SIPA1L1: variants seen among roughly 807,000 people sequenced by gnomAD.
The protein encoded by SIPA1L1 is signal-induced proliferation-associated 1-like protein 1.
SIPA1L1 carries 26 observed loss-of-function variants against 162.7 expected under a neutral mutation model. That is an observed-to-expected ratio of 0.16 (90% CI 0.12 to 0.22). The LOEUF is 0.22. SIPA1L1 is among the 10% of genes least tolerant of loss of function. The pLI, the probability that SIPA1L1 is intolerant of heterozygous loss-of-function variation, is 1.00. For missense variants in SIPA1L1, 1,874 were observed against 2,241.0 expected (o/e 0.84, Z 3.31); for synonymous variants, 829 against 837.4 (o/e 0.99, Z 0.17).
chr14:71,344,555 G>C (rs2035966105), intron 2 of SIPA1L1, among the ~76,000 whole-genome samples: 1 of 152,072 alleles, frequency 6.6e-6, no homozygotes, highest in African/African-American at 2.4e-5. Context: ...CTATCTGTCT[G>C]TCTGTCTGTC....
In SIPA1L1 at chr14:71,613,728, G is replaced by T. The variant is rs141634602; in HGVS notation, c.1499-5029G>T. 1.1e-3 allele frequency among the ~76,000 whole-genome samples: 162 copies of T among 152,254 alleles called. 1 individual carries two copies. Among genetic ancestry groups the T allele is most frequent in the African/African-American group, 3.7e-3 (154 of 41,552 alleles). ...CAGAAGAAAGAGAAAGACAGTTGTG[G>T]ATTTGACTAGAAGAACACTTTGTAA... is the stretch of plus-strand genomic sequence containing the variant. On this transcript the variant is annotated intron_variant, in intron 5 of 23. Coordinates refer to ENST00000381232, the MANE Select transcript of SIPA1L1 (RefSeq NM_001386936.1).
chr14:71,474,209 G>A (rs2047679067), intron 2 of SIPA1L1, among the ~76,000 whole-genome samples: 1 of 152,294 alleles, frequency 6.6e-6, no homozygotes, highest in South Asian at 2.1e-4. Flanking sequence ...GTAAATAGTT[G>A]GCAGAGCTGA....
Position 71,483,152 on chromosome 14 carries a change from A to G in SIPA1L1, c.-464-29591A>G, listed in dbSNP as rs189682830. On this transcript the variant is annotated intron_variant, in intron 2 of 23. Transcript: ENST00000381232. ...TAAAAGTGGTCAGAATTTGAGGGCT[A>G]TTAGAATTTTATTCTTTACCTAAAT... 2.9e-4 allele frequency among the ~76,000 whole-genome samples: 44 copies of G among 152,358 alleles called. No individual in the cohort carries two copies. In the East Asian group the frequency reaches 4.8e-3, roughly 17 times the overall value.
intron 15 of SIPA1L1, 101 bp downstream of exon 15, chr14:71,702,606 G>C (rs1453711970): frequency 9.8e-7 from 1 of 1,019,298 alleles, no homozygotes; most frequent in African/African-American, 1.6e-5. Context: ...GGTAGCCCTA[G>C]TTAATAAATA....
intron 2 of SIPA1L1, among the ~76,000 whole-genome samples, chr14:71,345,061 G>GGGAAGGCTAAGGGTA (rs1229429098): frequency 1.3e-5 from 2 of 152,104 alleles, no homozygotes; most frequent in Admixed American, 6.5e-5. Context: ...TGGGTGTCTG[G>GGGAAGGCTAAGGGTA]GGAAGGCTAA....
chr14:71,480,616 G>A (rs893454932), intron 2 of SIPA1L1, among the ~76,000 whole-genome samples: 3 of 151,852 alleles, frequency 2.0e-5, no homozygotes. Context: ...ACAAAAATTA[G>A]CTGGGCTTGG....
chr14:71,666,561 C>T (rs1382873470), intron 10 of SIPA1L1, among the ~76,000 whole-genome samples: 2 of 152,086 alleles, frequency 1.3e-5, no homozygotes, highest in African/African-American at 4.8e-5. Context: ...GTAGTCATAA[C>T]AAGGACCCTG....
intron 13 of SIPA1L1, among the ~76,000 whole-genome samples, chr14:71,698,353 G>T (rs1313056165): frequency 6.6e-6 from 1 of 152,134 alleles, no homozygotes; most frequent in Non-Finnish European, 1.5e-5. Context: ...TACATGAGGT[G>T]CCCATGTGGA....
At chr14:71,327,500 G>C (rs2033975008) in intron 2 of SIPA1L1, among the ~76,000 whole-genome samples, 1 of 152,208 alleles carries the variant, frequency 6.6e-6, no homozygotes, top group Non-Finnish European at 1.5e-5. Flanking sequence ...TTCAGGAAGA[G>C]AGAGTCTGCT....
intron 4 of SIPA1L1, among the ~76,000 whole-genome samples, chr14:71,549,000 A>G (rs2055526638): frequency 6.6e-6 from 1 of 152,024 alleles, no homozygotes. Context: ...GGTTACTATT[A>G]ATTGTTTATA....
intron 17 of SIPA1L1, among the ~76,000 whole-genome samples, chr14:71,710,636 C>A (rs896451847): frequency 6.6e-6 from 1 of 151,766 alleles, no homozygotes; most frequent in African/African-American, 2.4e-5. Context: ...GGTGAAACCC[C>A]GTCTCTACTA....
At position 71,370,734 on chromosome 14, in the gene SIPA1L1, G is replaced by A. The variant is rs187010485; in HGVS notation, c.-465+49553G>A. On this transcript the variant is annotated intron_variant, in intron 2 of 23. Coordinates refer to ENST00000381232, the MANE Select transcript of SIPA1L1 (RefSeq NM_001386936.1). ...AGGCCAACTTGCGTGCCCAAGGTCA[G>A]TTATGAATCTAGGATTCAAAGGTCT... Among the ~76,000 whole-genome samples the A allele has an allele frequency of 1.9e-4, 29 of 152,308 alleles. 1 individual carries two copies. Among genetic ancestry groups the A allele is most frequent in the African/African-American group, 6.3e-4 (26 of 41,556 alleles).
intron 2 of SIPA1L1, among the ~76,000 whole-genome samples, chr14:71,464,867 T>C (rs2046874943): frequency 6.6e-6 from 1 of 152,106 alleles, no homozygotes; most frequent in Non-Finnish European, 1.5e-5. Flanking sequence ...ACTCTCAACC[T>C]CACTTCTAGG....
intron 4 of SIPA1L1, among the ~76,000 whole-genome samples, chr14:71,533,372 A>C (rs1352746524): frequency 1.3e-5 from 2 of 152,172 alleles, no homozygotes; most frequent in African/African-American, 4.8e-5. Context: ...ATTTATTAGG[A>C]GTCTTTACCA....
At chr14:71,673,086 C>T (rs2149388463) in intron 12 of SIPA1L1, among the ~76,000 whole-genome samples, 1 of 152,318 alleles carries the variant, frequency 6.6e-6, no homozygotes, top group African/African-American at 2.4e-5. Flanking sequence ...AGTCTGGCAG[C>T]TGCTTTCCTA....
At chr14:71,544,354 TATC>T (rs1023376813) in intron 4 of SIPA1L1, among the ~76,000 whole-genome samples, 51 of 152,102 alleles carry the variant, frequency 3.4e-4, no homozygotes, top group African/African-American at 1.2e-3. Flanking sequence ...TATATACATG[TATC>T]ATATGTGTAT....
chr14:71,690,373 G>T (rs942447217), intron 13 of SIPA1L1, among the ~76,000 whole-genome samples: 2 of 151,922 alleles, frequency 1.3e-5, no homozygotes, highest in Non-Finnish European at 2.9e-5. Context: ...TGAGTAACTA[G>T]TACTGCAGGT....
At chr14:71,659,092 G>C (rs1160359191) in intron 9 of SIPA1L1, among the ~76,000 whole-genome samples, 2 of 152,024 alleles carry the variant, frequency 1.3e-5, no homozygotes, top group Non-Finnish European at 2.9e-5. Context: ...ATTGTTTTAG[G>C]GAATATGTGG....
chr14:71,674,448 T>C (rs540747331), intron 12 of SIPA1L1, among the ~76,000 whole-genome samples: 1 of 152,342 alleles, frequency 6.6e-6, no homozygotes, highest in African/African-American at 2.4e-5. Context: ...ACTGAGTTTT[T>C]TACCTTAATA....
Sources: allele counts gnomAD v4.1 joint callset (sites outside exome capture counted in the v4.1 genomes callset), GRCh38; gene constraint gnomAD v4.1.1; transcripts MANE v1.5; gene names NCBI Gene and HGNC (gene_info 2026-07-23, HGNC 2026-07-21).